Variants in CTNNA3 observed in about 807,000 individuals in gnomAD.
The protein encoded by CTNNA3 is catenin alpha 3.
In CTNNA3, 76 loss-of-function variants were observed where a neutral mutation model predicts 95.7. The observed-to-expected ratio is 0.79, with a 90% CI of 0.66 to 0.96. CTNNA3 has a LOEUF of 0.96. Ranked by LOEUF, CTNNA3 falls within the 40% of genes least tolerant of loss-of-function variation. The probability of loss-of-function intolerance (pLI) is 0.00; values close to 1 mark genes in which losing one functional copy is unlikely to be tolerated. For synonymous variants in CTNNA3, 431 were observed against 374.4 expected (o/e 1.15, Z -1.74); for missense variants, 1,191 against 1,089.8 (o/e 1.09, Z -1.31).
intron 13 of CTNNA3, among the ~76,000 whole-genome samples, chr10:66,219,140 T>C (rs2088753861): frequency 6.6e-6 from 1 of 152,136 alleles, no homozygotes; most frequent in African/African-American, 2.4e-5. Context: ...CCAAGAAAAC[T>C]TATCATAACT....
intron 7 of CTNNA3, among the ~76,000 whole-genome samples, chr10:67,124,879 T>C (rs1859641519): frequency 6.6e-6 from 1 of 152,186 alleles, no homozygotes. Flanking sequence ...CCAAAGATTA[T>C]CACCAATAAT....
intron 12 of CTNNA3, among the ~76,000 whole-genome samples, chr10:66,328,559 C>G (rs1044055671): frequency 6.6e-6 from 1 of 151,878 alleles, no homozygotes; most frequent in African/African-American, 2.4e-5. Flanking sequence ...AGAAGTCTTT[C>G]TTGATGATCA....
chr10:66,447,264 G>C (rs1042233057), intron 11 of CTNNA3, among the ~76,000 whole-genome samples: 6 of 152,120 alleles, frequency 3.9e-5, no homozygotes, highest in African/African-American at 1.4e-4. Flanking sequence ...GTAATTTATA[G>C]ATTCCATGCC....
At chr10:67,184,072 G>A (rs1862717096) in intron 6 of CTNNA3, among the ~76,000 whole-genome samples, 1 of 152,180 alleles carries the variant, frequency 6.6e-6, no homozygotes. Context: ...ATGAGCACAA[G>A]TATTATTGTG....
chr10:66,272,907 TC>T (rs1192111002), intron 13 of CTNNA3, among the ~76,000 whole-genome samples: 2 of 152,160 alleles, frequency 1.3e-5, no homozygotes, highest in Non-Finnish European at 2.9e-5. Flanking sequence ...CGAACACATT[TC>T]CATTTCTGTC....
intron 11 of CTNNA3, among the ~76,000 whole-genome samples, chr10:66,465,996 C>T (rs1422232178): frequency 1.3e-5 from 2 of 152,076 alleles, no homozygotes; most frequent in Admixed American, 1.3e-4. Context: ...TTTGGCTAAA[C>T]ATGTCTGGAT....
At chr10:66,885,432 C>A (rs1287991316) in intron 7 of CTNNA3, among the ~76,000 whole-genome samples, 1 of 152,078 alleles carries the variant, frequency 6.6e-6, no homozygotes, top group African/African-American at 2.4e-5. Context: ...TATCCTCCTG[C>A]AGATATAGAT....
intron 15 of CTNNA3, among the ~76,000 whole-genome samples, chr10:66,010,649 A>G (rs535975651): frequency 6.6e-6 from 1 of 152,304 alleles, no homozygotes; most frequent in East Asian, 1.9e-4. Flanking sequence ...ATACACTCAG[A>G]TGGCTCCCAA....
chr10:66,118,105 G>A (rs953971846), intron 13 of CTNNA3: 7 of 152,152 alleles, frequency 4.6e-5, no homozygotes, highest in Admixed American at 2.0e-4. Context: ...TCTTATATAC[G>A]ACTAATTTGA....
intron 7 of CTNNA3, among the ~76,000 whole-genome samples, chr10:66,787,255 A>G (rs1457164958): frequency 6.6e-6 from 1 of 151,772 alleles, no homozygotes; most frequent in Non-Finnish European, 1.5e-5. Flanking sequence ...TGTCTCGATC[A>G]GATCTGATCA....
chr10:67,559,622 G>A (rs555267601), intron 3 of CTNNA3, among the ~76,000 whole-genome samples: 2 of 152,242 alleles, frequency 1.3e-5, no homozygotes, highest in Non-Finnish European at 2.9e-5. Context: ...CACCAGCAAC[G>A]GAACGAAGCT....
intron 4 of CTNNA3, among the ~76,000 whole-genome samples, chr10:67,527,590 A>G (rs1840188936): frequency 6.6e-6 from 1 of 152,264 alleles, no homozygotes; most frequent in African/African-American, 2.4e-5. Context: ...TCAATTGCAG[A>G]TAAGACCAGA....
intron 9 of CTNNA3, among the ~76,000 whole-genome samples, chr10:66,623,884 G>A (rs1844838624): frequency 1.3e-5 from 2 of 152,124 alleles, no homozygotes; most frequent in Admixed American, 6.6e-5. Context: ...ACATCAGTGT[G>A]TGAATAAAGC....
intron 13 of CTNNA3, among the ~76,000 whole-genome samples, chr10:66,116,510 A>T (rs2082345592): frequency 6.6e-6 from 1 of 152,186 alleles, no homozygotes. Context: ...TATTTAACAA[A>T]TGGTATGCCC....
At chr10:66,945,616 T>C (rs1411159412) in intron 7 of CTNNA3, among the ~76,000 whole-genome samples, 2 of 152,186 alleles carry the variant, frequency 1.3e-5, no homozygotes, top group African/African-American at 4.8e-5. Flanking sequence ...CAAGAACTTT[T>C]CCTTTGCACT....
chr10:66,764,598 T>C (rs1156993886), intron 9 of CTNNA3, among the ~76,000 whole-genome samples: 2 of 152,200 alleles, frequency 1.3e-5, no homozygotes, highest in Admixed American at 1.3e-4. Flanking sequence ...CAAGTTTTGC[T>C]TTCAGAGGAT....
chr10:66,962,031 G>A (rs1384184921), intron 7 of CTNNA3, among the ~76,000 whole-genome samples: 1 of 152,118 alleles, frequency 6.6e-6, no homozygotes, highest in African/African-American at 2.4e-5. Context: ...CCACTACTCT[G>A]GTTTAAGCCA....
intron 13 of CTNNA3, among the ~76,000 whole-genome samples, chr10:66,199,781 ATATATATATATATATATATATATATTTTT>A (rs2087219425): frequency 1.3e-4 from 5 of 38,106 alleles, no homozygotes; most frequent in East Asian, 5.5e-4. Flanking sequence ...ATATATATAT[ATATATATATATATATATATATATATTTTT>A]TTTTTTTTTT....
At chr10:66,461,538 CT>C (rs2093529083) in intron 11 of CTNNA3, among the ~76,000 whole-genome samples, 1 of 151,836 alleles carries the variant, frequency 6.6e-6, no homozygotes. Context: ...ATCCCTGCTT[CT>C]TGGGTAGTGC....
Sources: gnomAD v4.1 joint callset for allele counts (sites outside exome capture counted in the v4.1 genomes callset) on GRCh38, gnomAD v4.1.1 for gene constraint, MANE v1.5 for transcripts, NCBI Gene and HGNC (gene_info 2026-07-23, HGNC 2026-07-21) for gene names.